TOP2B: variants seen among roughly 807,000 people sequenced by gnomAD.
TOP2B encodes DNA topoisomerase II beta, also known as DNA topoisomerase 2-beta.
A neutral mutation model predicts 193.5 loss-of-function variants in TOP2B; 51 were observed. That is an observed-to-expected ratio of 0.26 (90% CI 0.21 to 0.33). The LOEUF is 0.33. Ranked by LOEUF, TOP2B falls within the 10% of genes least tolerant of loss-of-function variation. The pLI is 1.00. For synonymous variants in TOP2B, 634 were observed against 635.7 expected (o/e 1.00, Z 0.04); for missense variants, 1,378 against 1,909.3 (o/e 0.72, Z 5.19).
Position 25,645,327 on chromosome 3 carries a change from A to G in TOP2B, c.213T>C (p.Tyr71=), listed in dbSNP as rs896237625. ...LEHILLRPDT[Y]IGSVEPLTQF... is the part of the protein sequence containing the mutation. ...GCGTCAATGGCTCCACTGACCCAAT[A>G]TATGTATCAGGACGAAGAAGAATGT... The change falls in exon 2 of 36, where the codon TAT becomes TAC. Residue 71 remains tyrosine (Y), a synonymous_variant. Transcript: ENST00000264331. The G allele has an allele frequency of 1.2e-6, 2 of 1,607,948 alleles. No individual in the cohort carries two copies. Among genetic ancestry groups the G allele is most frequent in the Non-Finnish European group, 8.5e-7 (1 of 1,176,580 alleles).
At chr3:25,641,220 T>C (rs965696677) in intron 4 of TOP2B, among the ~76,000 whole-genome samples, 1 of 151,720 alleles carries the variant, frequency 6.6e-6, no homozygotes, top group Non-Finnish European at 1.5e-5. Context: ...ATTGCAACTA[T>C]GTTCATCAAG....
chr3:25,636,628 A>G (rs1186958581), intron 6 of TOP2B, among the ~76,000 whole-genome samples: 2 of 152,044 alleles, frequency 1.3e-5, no homozygotes, highest in Non-Finnish European at 2.9e-5. Flanking sequence ...TCTCATGTTA[A>G]AAATAAACTA....
At chr3:25,643,594 C>T (rs902565280) in intron 3 of TOP2B, 100 bp downstream of exon 3, 1 of 811,626 alleles carries the variant, frequency 1.2e-6, no homozygotes, top group Non-Finnish European at 2.0e-6. Flanking sequence ...GCCAGAGATA[C>T]ACCTTTCAAA....
chr3:25,599,698 T>C (rs1182841532), intron 34 of TOP2B, among the ~76,000 whole-genome samples, 169 bp from the exon 35 acceptor site: 3 of 152,244 alleles, frequency 2.0e-5, no homozygotes, highest in Non-Finnish European at 2.9e-5. Flanking sequence ...ATTTCAATTC[T>C]GGGGTTGACA....
chr3:25,650,683 T>C (rs995513634), intron 1 of TOP2B, among the ~76,000 whole-genome samples: 5 of 152,234 alleles, frequency 3.3e-5, no homozygotes, highest in African/African-American at 9.6e-5. Context: ...CTATTAATCA[T>C]TGGTCCTCTT....
At chr3:25,607,704 T>C (rs1421105148) in intron 30 of TOP2B, among the ~76,000 whole-genome samples, 1 of 152,264 alleles carries the variant, frequency 6.6e-6, no homozygotes, top group South Asian at 2.1e-4. Flanking sequence ...ACAGCCATTA[T>C]ACAAATGACA....
chr3:25,631,618 A>G (rs1354218982), intron 10 of TOP2B, among the ~76,000 whole-genome samples: 1 of 152,106 alleles, frequency 6.6e-6, no homozygotes, highest in East Asian at 1.9e-4. Flanking sequence ...AGACATAAAC[A>G]AAAGAGGTGA....
intron 10 of TOP2B, 113 bp from the exon 11 acceptor site, chr3:25,631,052 G>A: frequency 2.3e-6 from 2 of 871,180 alleles, no homozygotes; most frequent in Non-Finnish European, 3.3e-6. Flanking sequence ...GGTATTTTAG[G>A]GCAAAACAAT....
intron 34 of TOP2B, 23 bp downstream of exon 34, chr3:25,601,077 G>A: frequency 6.2e-7 from 1 of 1,609,530 alleles, no homozygotes; most frequent in Non-Finnish European, 8.5e-7. Context: ...ATGTTTAAAG[G>A]GTTATAAGAA....
intron 34 of TOP2B, 71 bp downstream of exon 34, chr3:25,601,029 A>G: frequency 2.6e-6 from 4 of 1,517,084 alleles, no homozygotes; most frequent in Non-Finnish European, 3.6e-6. Context: ...CTCTAAATTC[A>G]ATGAGGTAGA....
chr3:25,612,466 A>G (rs1033945572), intron 28 of TOP2B, 49 bp downstream of exon 28: 1 of 1,410,034 alleles, frequency 7.1e-7, no homozygotes, highest in Non-Finnish European at 9.6e-7. Flanking sequence ...AATTATACAT[A>G]TATTTCATTA....
chr3:25,644,345 G>C (rs1430823047), intron 2 of TOP2B, among the ~76,000 whole-genome samples: 1 of 152,162 alleles, frequency 6.6e-6, no homozygotes, highest in East Asian at 1.9e-4. Context: ...GTAAACAATA[G>C]TCAGTGTATA....
intron 1 of TOP2B, among the ~76,000 whole-genome samples, chr3:25,657,952 T>C (rs1232937433): frequency 1.5e-5 from 2 of 137,406 alleles, no homozygotes; most frequent in Non-Finnish European, 3.0e-5. Context: ...TCCCAGCTAC[T>C]TGGGAGGCTG....
Position 25,598,236 on chromosome 3 carries a change from A to G in TOP2B, c.*71T>C. 4 of 1,464,506 alleles carry G rather than the reference A, an allele frequency of 2.7e-6. No homozygotes were observed. The highest frequency in any genetic ancestry group is 3.7e-6 in the Non-Finnish European group (4 of 1,086,714). The allele number at this position is 1,464,506 out of a possible 1,614,324, so 90.7% of individuals were successfully genotyped here. ...ACATTAAAATAAGCCAGATGTACAAAAGTCTGAGACAGAGAAGACAAAAGG... is the reference window on the plus strand; with the variant it reads ...ACATTAAAATAAGCCAGATGTACAAGAGTCTGAGACAGAGAAGACAAAAGG... On this transcript the variant is annotated 3_prime_UTR_variant, in exon 36 of 36. Transcript: ENST00000264331.
At chr3:25,646,641 GC>G (rs1703422770) in intron 1 of TOP2B, among the ~76,000 whole-genome samples, 1 of 152,068 alleles carries the variant, frequency 6.6e-6, no homozygotes, top group African/African-American at 2.4e-5. Context: ...ATCTTCAGAG[GC>G]CTTCAAATTT....
chr3:25,630,094 T>C lies in TOP2B; in HGVS notation c.1624A>G (p.Ser542Gly). The change falls in exon 13 of 36, where the codon AGT becomes GGT. Residue 542 changes from serine (S) to glycine (G), a missense_variant. By Grantham distance (56) the Ser-to-Gly change is moderately conservative (BLOSUM62 0). Around this residue, in one of 9 missense-constraint regions of TOP2B, gnomAD observed 66 missense variants for 153.3 expected, o/e 0.43. Coordinates refer to ENST00000264331, the MANE Select transcript of TOP2B (RefSeq NM_001330700.2). ...IKIVGLQYKKSYDDAESLKTL... is the reference protein window; with the variant it reads ...IKIVGLQYKKGYDDAESLKTL... ...TTCAGAGATTCTGCATCATCGTAAC[T>C]TTTCTTATATTGTAGACCAACTATT... 6.2e-7 allele frequency: 1 copy of C among 1,604,950 alleles called. No individual in the cohort carries two copies. The highest frequency in any genetic ancestry group is 8.5e-7 in the Non-Finnish European group (1 of 1,175,024).
Position 25,637,393 on chromosome 3 carries a change from C to T in TOP2B, c.542-81G>A, listed in dbSNP as rs577620217. 7.0e-6 allele frequency: 7 copies of T among 1,004,350 alleles called. No individual in the cohort carries two copies. In the East Asian group the frequency reaches 1.6e-4, roughly 23 times the overall value. 62.2% of individuals were successfully genotyped at this position (1,004,350 alleles called of 1,614,324 possible). ...GTTAATTTACCACCATACGGCAAGG[C>T]TGTTGCAAAACTGTTCCACTAACTG... On this transcript the variant is annotated intron_variant, in intron 5 of 35. Transcript: ENST00000264331.
At chr3:25,603,573 G>C (rs1702163305) in intron 33 of TOP2B, among the ~76,000 whole-genome samples, 1 of 152,020 alleles carries the variant, frequency 6.6e-6, no homozygotes, top group South Asian at 2.1e-4. Context: ...AGAAATTATA[G>C]GGTCCATCTC....
intron 4 of TOP2B, among the ~76,000 whole-genome samples, chr3:25,641,917 C>A (rs1703275622): frequency 1.3e-5 from 2 of 152,014 alleles, no homozygotes; most frequent in South Asian, 4.2e-4. Flanking sequence ...CAACTGGTTA[C>A]AACAACAGTA....
Sources: gnomAD v4.1 joint callset for allele counts (sites outside exome capture counted in the v4.1 genomes callset) on GRCh38, gnomAD v4.1.1 for gene constraint, gnomAD v4.1.1 regional missense constraint, MANE v1.5 for transcripts, NCBI Gene and HGNC (gene_info 2026-07-23, HGNC 2026-07-21) for gene names.